DENND1A: variants seen among roughly 807,000 people sequenced by gnomAD.
DENND1A encodes DENN domain containing 1A, also known as DENN domain-containing protein 1A.
In DENND1A, 51 loss-of-function variants were observed where a neutral mutation model predicts 113.7. The ratio of observed to expected loss-of-function variants is 0.45; its 90% confidence interval spans 0.36 to 0.57. The LOEUF (loss-of-function observed/expected upper bound fraction) is 0.57. Among genes scored for constraint, DENND1A ranks in the 20% least tolerant of loss-of-function variants. The pLI is 0.00. For synonymous variants in DENND1A, 565 were observed against 570.8 expected, an observed-to-expected ratio of 0.99 and a Z score of 0.14; for missense variants, 1,258 against 1,395.9, an observed-to-expected ratio of 0.90 and a Z score of 1.57.
At chr9:123,438,913 C>T (rs906782290) in intron 19 of DENND1A, among the ~76,000 whole-genome samples, 4 of 152,214 alleles carry the variant, frequency 2.6e-5, no homozygotes, top group African/African-American at 9.7e-5. Context: ...GAATGTTTAA[C>T]ACCATGAAAT....
chr9:123,555,973 T>C (rs1390092549), intron 13 of DENND1A, among the ~76,000 whole-genome samples: 1 of 152,168 alleles, frequency 6.6e-6, no homozygotes, highest in Non-Finnish European at 1.5e-5. Flanking sequence ...TTCATTCCCA[T>C]TTTAAAGGGG....
At chr9:123,865,901 G>C (rs1396939314) in intron 2 of DENND1A, among the ~76,000 whole-genome samples, 1 of 152,102 alleles carries the variant, frequency 6.6e-6, no homozygotes, top group Non-Finnish European at 1.5e-5. Flanking sequence ...TATTTTGGGG[G>C]CATTTTGGGG....
chr9:123,827,764 G>A (rs1839585785), intron 2 of DENND1A, among the ~76,000 whole-genome samples: 1 of 151,974 alleles, frequency 6.6e-6, no homozygotes, highest in South Asian at 2.1e-4. Context: ...CTCATGAGAT[G>A]GGTAAAAAGG....
Position 123,381,375 on chromosome 9 carries a change from C to T in DENND1A, c.*57G>A. 3 of 1,502,108 alleles carry T rather than the reference C, an allele frequency of 2.0e-6. No homozygotes were observed. Among genetic ancestry groups the T allele is most frequent in the Middle Eastern group, 4.0e-4 (2 of 5,008 alleles). The allele number at this position is 1,502,108 out of a possible 1,614,324, so 93.0% of individuals were successfully genotyped here. A position where few individuals can be genotyped will look rare whatever the true frequency, so the allele number is the denominator to read the frequency against. ...AGAGAGTGGCGGGGGAGCCTCGGAA[C>T]CGCAGCAGTGGACGGACCCTCGGGC... On this transcript the variant is annotated 3_prime_UTR_variant, in exon 24 of 24. Transcript: ENST00000394215. The surrounding 1 kb of genome is among the most constrained non-coding windows in gnomAD (Gnocchi z 4.7).
chr9:123,888,956 C>G (rs912930027), intron 1 of DENND1A, among the ~76,000 whole-genome samples: 1 of 131,104 alleles, frequency 7.6e-6, no homozygotes, highest in African/African-American at 3.0e-5. Flanking sequence ...GTGCTTTAAA[C>G]TGTGTGTGTG....
intron 8 of DENND1A, among the ~76,000 whole-genome samples, chr9:123,659,559 AG>A (rs1398846436): frequency 6.6e-6 from 1 of 152,250 alleles, no homozygotes; most frequent in Non-Finnish European, 1.5e-5. Flanking sequence ...CAAGAAAAGG[AG>A]AAAAAGAAAC....
At chr9:123,505,725 G>A (rs1350533480) in intron 13 of DENND1A, among the ~76,000 whole-genome samples, 2 of 151,944 alleles carry the variant, frequency 1.3e-5, no homozygotes, top group Non-Finnish European at 2.9e-5. Context: ...TTACACAACC[G>A]TTCCACTTAA....
Position 123,822,483 on chromosome 9 carries a change from T to C in DENND1A, c.89-29853A>G, listed in dbSNP as rs1415003172. ...TAGTAATCACAGGAGCTTTTGTAGA[T>C]GCATTTACGACTAAGGAGGATTCTA... is the stretch of plus-strand genomic sequence containing the variant. On this transcript the variant is annotated intron_variant, in intron 2 of 23. Transcript: ENST00000394215. Among the ~76,000 whole-genome samples the C allele has an allele frequency of 2.0e-5, 3 of 152,336 alleles. No individual in the cohort carries two copies. The East Asian group carries it at 5.8e-4, about 29-fold the overall frequency.
At chr9:123,576,045 A>G (rs2058619094) in intron 12 of DENND1A, among the ~76,000 whole-genome samples, 1 of 152,164 alleles carries the variant, frequency 6.6e-6, no homozygotes. Flanking sequence ...CTCTTTCCCC[A>G]CAAAATGTTT....
chr9:123,535,807 CTCA>C (rs902133682), intron 13 of DENND1A, among the ~76,000 whole-genome samples: 3 of 152,134 alleles, frequency 2.0e-5, no homozygotes, highest in African/African-American at 7.2e-5. Context: ...ACTATCTGAA[CTCA>C]TCTTCTTTTA....
intron 11 of DENND1A, among the ~76,000 whole-genome samples, chr9:123,592,880 C>T (rs1006875319): frequency 1.3e-5 from 2 of 152,134 alleles, no homozygotes; most frequent in Non-Finnish European, 1.5e-5. Context: ...CAAAAAAATA[C>T]GGACTTCACC....
At chr9:123,531,912 G>A (rs1338204294) in intron 13 of DENND1A, among the ~76,000 whole-genome samples, 1 of 152,204 alleles carries the variant, frequency 6.6e-6, no homozygotes, top group East Asian at 1.9e-4. Flanking sequence ...ATATGGTGAA[G>A]TGGCGAGAAG....
chr9:123,422,826 G>T lies in DENND1A; in HGVS notation c.1489-10997C>A, dbSNP rs914377751. Among the ~76,000 whole-genome samples the T allele has an allele frequency of 6.6e-6, 1 of 152,148 alleles. No individual in the cohort carries two copies. The highest frequency in any genetic ancestry group is 1.5e-5 in the Non-Finnish European group (1 of 68,028). ...GACATTTTTATTCATGGTGGCGTAC[G>T]CCCTTGTAATGATCAGCTCTGGTCG... On this transcript the variant is annotated intron_variant, in intron 19 of 23. Transcript: ENST00000394215. The surrounding 1 kb of genome is among the most constrained non-coding windows in gnomAD (Gnocchi z 4.8).
At chr9:123,846,627 A>C (rs957368026) in intron 2 of DENND1A, among the ~76,000 whole-genome samples, 2 of 152,258 alleles carry the variant, frequency 1.3e-5, no homozygotes, top group African/African-American at 4.8e-5. Flanking sequence ...GATTCCACTT[A>C]TATGAGGAAA....
chr9:123,650,737 T>C (rs1225325291), intron 9 of DENND1A, among the ~76,000 whole-genome samples: 1 of 151,742 alleles, frequency 6.6e-6, no homozygotes, highest in Non-Finnish European at 1.5e-5. Context: ...CAAAACCCCA[T>C]CTCTACTAAA....
At chr9:123,857,549 G>A (rs918001378) in intron 2 of DENND1A, among the ~76,000 whole-genome samples, 3 of 152,170 alleles carry the variant, frequency 2.0e-5, no homozygotes, top group African/African-American at 7.2e-5. Context: ...GTGATCAAAA[G>A]ATCATCACCA....
In DENND1A at chr9:123,889,907, AGGCTGCAGTCAGCCAAGAC is replaced by A. The variant is rs1849653537; in HGVS notation, c.18-10905_18-10887del. Among the ~76,000 whole-genome samples, 3 of 152,118 alleles carry A rather than the reference AGGCTGCAGTCAGCCAAGAC, an allele frequency of 2.0e-5. No homozygotes were observed. The South Asian group carries it at 6.2e-4, about 32-fold the overall frequency. On this transcript the variant is annotated intron_variant, in intron 1 of 23. Coordinates refer to ENST00000394215, the MANE Select transcript of DENND1A (RefSeq NM_001352964.2). ...AGAATCGCTTGAACCTGGAAGGCAG[AGGCTGCAGTCAGCCAAGAC>A]GGCACCATTGCACTCCAGCCTGGGC...
intron 9 of DENND1A, among the ~76,000 whole-genome samples, chr9:123,644,378 CAAAAA>C (rs10541486): frequency 1.8e-3 from 149 of 84,076 alleles, no homozygotes; most frequent in African/African-American, 6.5e-3. Flanking sequence ...TTACAAGCTA[CAAAAA>C]AAAAAAAAAA....
chr9:123,685,771 T>C (rs938313342), intron 5 of DENND1A, among the ~76,000 whole-genome samples: 5 of 152,170 alleles, frequency 3.3e-5, no homozygotes, highest in Non-Finnish European at 7.4e-5. Flanking sequence ...ATATTTTCCA[T>C]TGAGCCCAGG....
Sources: gnomAD v4.1 joint callset for allele counts (sites outside exome capture counted in the v4.1 genomes callset) on GRCh38, gnomAD v4.1.1 for gene constraint, Gnocchi (gnomAD v3.1) non-coding constraint, MANE v1.5 for transcripts, NCBI Gene and HGNC (gene_info 2026-07-23, HGNC 2026-07-21) for gene names.